The following SH3RF1 variants were observed in gnomAD, a reference collection of about 807,000 sequenced individuals.
The protein encoded by SH3RF1 is SH3 domain containing ring finger 1.
A neutral mutation model predicts 74.0 loss-of-function variants in SH3RF1; 32 were observed. The ratio of observed to expected loss-of-function variants is 0.43; its 90% CI spans 0.33 to 0.58. The LOEUF (loss-of-function observed/expected upper bound fraction) is 0.58, where lower values mean the gene tolerates loss of function less well. Ranked by LOEUF, SH3RF1 falls within the 20% of genes least tolerant of loss-of-function variation. The pLI, the probability that SH3RF1 is intolerant of heterozygous loss-of-function variation, is 0.05. For missense variants in SH3RF1, 954 were observed against 1,130.9 expected (o/e 0.84, Z 2.24); for synonymous variants, 396 against 439.6 (o/e 0.90, Z 1.24).
chr4:169,150,282 A>G (rs1423311985), intron 4 of SH3RF1, among the ~76,000 whole-genome samples: 1 of 152,262 alleles, frequency 6.6e-6, no homozygotes, highest in Non-Finnish European at 1.5e-5. Context: ...GCTCAAAGTA[A>G]GTCAAAGGAG....
intron 2 of SH3RF1, among the ~76,000 whole-genome samples, chr4:169,197,898 A>G (rs541806482): frequency 2.0e-4 from 30 of 152,296 alleles, no homozygotes; most frequent in Admixed American, 4.6e-4. Flanking sequence ...TCTGATCAAG[A>G]TAAAATACAC....
chr4:169,186,996 G>A (rs1488806545), intron 2 of SH3RF1, among the ~76,000 whole-genome samples: 1 of 142,990 alleles, frequency 7.0e-6, no homozygotes, highest in Non-Finnish European at 1.5e-5. Flanking sequence ...CCTGGGGACA[G>A]AGCGAGGCTC....
intron 2 of SH3RF1, among the ~76,000 whole-genome samples, chr4:169,197,382 T>C (rs1264083888): frequency 2.0e-5 from 3 of 151,952 alleles, no homozygotes; most frequent in Non-Finnish European, 2.9e-5. Flanking sequence ...CCCAGCACTT[T>C]GGAAGGCCAG....
chr4:169,199,176 T>C (rs1257528418), intron 2 of SH3RF1, among the ~76,000 whole-genome samples: 1 of 152,192 alleles, frequency 6.6e-6, no homozygotes. Context: ...TCATGGTATT[T>C]GGGAGGCATT....
At chr4:169,241,254 CAAATA>C (rs1294513935) in intron 2 of SH3RF1, among the ~76,000 whole-genome samples, 2 of 152,090 alleles carry the variant, frequency 1.3e-5, no homozygotes, top group Non-Finnish European at 2.9e-5. Flanking sequence ...AATAAACAAA[CAAATA>C]AAATAAAACT....
At chr4:169,179,766 G>T (rs1030549407) in intron 2 of SH3RF1, among the ~76,000 whole-genome samples, 1 of 152,212 alleles carries the variant, frequency 6.6e-6, no homozygotes, top group Admixed American at 6.5e-5. Context: ...TTGCTTCCAA[G>T]TGAAACAAAA....
chr4:169,186,924 GA>G (rs1734614505), intron 2 of SH3RF1, among the ~76,000 whole-genome samples: 1 of 150,168 alleles, frequency 6.7e-6, no homozygotes, highest in Admixed American at 6.7e-5. Context: ...TGAGGCAGGA[GA>G]ATGGTGCGAA....
intron 2 of SH3RF1, among the ~76,000 whole-genome samples, chr4:169,171,531 T>C (rs547886124): frequency 1.3e-5 from 2 of 152,302 alleles, no homozygotes; most frequent in South Asian, 4.1e-4. Context: ...ATATGACTTA[T>C]TGATAGTAAT....
chr4:169,141,390 CT>C (rs1329223621), intron 4 of SH3RF1, among the ~76,000 whole-genome samples: 8 of 152,164 alleles, frequency 5.3e-5, no homozygotes, highest in African/African-American at 1.9e-4. Context: ...TTGCCATTTA[CT>C]ATGTCTTGGC....
chr4:169,245,303 C>T (rs1446838717), intron 2 of SH3RF1, among the ~76,000 whole-genome samples: 3 of 152,278 alleles, frequency 2.0e-5, no homozygotes, highest in Non-Finnish European at 4.4e-5. Flanking sequence ...TCTGAGCAAA[C>T]CTACTTAGAT....
intron 2 of SH3RF1, among the ~76,000 whole-genome samples, chr4:169,209,621 A>T (rs1730324136): frequency 6.6e-6 from 1 of 152,156 alleles, no homozygotes; most frequent in African/African-American, 2.4e-5. Context: ...AAAAGTAAAC[A>T]ATATAAGTTC....
intron 4 of SH3RF1, among the ~76,000 whole-genome samples, chr4:169,144,704 G>A (rs1579104685): frequency 6.6e-6 from 1 of 152,158 alleles, no homozygotes; most frequent in Admixed American, 6.5e-5. Context: ...GTGAACTATG[G>A]TCAACTGGGG....
chr4:169,168,745 G>A (rs1246226770), intron 2 of SH3RF1, among the ~76,000 whole-genome samples: 1 of 152,234 alleles, frequency 6.6e-6, no homozygotes, highest in East Asian at 1.9e-4. Flanking sequence ...CAAAGGCAAA[G>A]GGACAGACTA....
At chr4:169,102,392 T>C (rs531129377) in intron 11 of SH3RF1, among the ~76,000 whole-genome samples, 8 of 151,038 alleles carry the variant, frequency 5.3e-5, no homozygotes, top group Non-Finnish European at 1.0e-4. Flanking sequence ...AGATCATACA[T>C]AGATTTTTTT....
chr4:169,193,980 G>C (rs1579130271), intron 2 of SH3RF1, among the ~76,000 whole-genome samples: 1 of 152,098 alleles, frequency 6.6e-6, no homozygotes. Flanking sequence ...CTCAAGGATA[G>C]AGTCTTTTTT....
At chr4:169,254,776 A>G (rs1203586860) in intron 2 of SH3RF1, among the ~76,000 whole-genome samples, 1 of 152,186 alleles carries the variant, frequency 6.6e-6, no homozygotes, top group Non-Finnish European at 1.5e-5. Flanking sequence ...CCACACTAAG[A>G]GCTCTTCTGG....
chr4:169,127,179 T>C (rs1021784289), intron 6 of SH3RF1, among the ~76,000 whole-genome samples: 5 of 152,238 alleles, frequency 3.3e-5, no homozygotes, highest in African/African-American at 1.2e-4. Context: ...GCTCATAATG[T>C]TGGATATTTA....
intron 4 of SH3RF1, among the ~76,000 whole-genome samples, chr4:169,138,745 C>T (rs534428468): frequency 1.3e-5 from 2 of 152,224 alleles, no homozygotes; most frequent in African/African-American, 4.8e-5. Flanking sequence ...CATGATCATA[C>T]CTGGCTGGCC....
intron 6 of SH3RF1, among the ~76,000 whole-genome samples, chr4:169,126,807 T>G (rs1200832037): frequency 2.0e-5 from 3 of 152,102 alleles, no homozygotes; most frequent in Non-Finnish European, 1.5e-5. Flanking sequence ...CCCATGCTGG[T>G]CTCGAACTCC....
Sources: gnomAD v4.1 joint callset for allele counts (sites outside exome capture counted in the v4.1 genomes callset) on GRCh38, gnomAD v4.1.1 for gene constraint, MANE v1.5 for transcripts, NCBI Gene and HGNC (gene_info 2026-07-23, HGNC 2026-07-21) for gene names.